CEP63: variants seen among roughly 807,000 people sequenced by gnomAD.
The protein encoded by CEP63 is centrosomal protein 63, also known as centrosomal protein of 63 kDa.
Under a neutral mutation model 89.1 loss-of-function variants are expected in CEP63, and 84 were observed. The observed-to-expected ratio is 0.94, with a 90% CI of 0.79 to 1.13. The LOEUF is 1.13. CEP63 is among the 50% of genes most tolerant of loss of function. The pLI is 0.00. For missense variants in CEP63, 838 were observed against 813.3 expected (o/e 1.03, Z -0.37); for synonymous variants, 267 against 272.5 (o/e 0.98, Z 0.20).
At chr3:134,673,802 C>G in the CEP63 span, among the ~76,000 whole-genome samples, 1 of 152,186 alleles carries the variant, frequency 6.6e-6, no homozygotes, top group African/African-American at 2.4e-5. Context: ...ACACCATTCT[C>G]TCCCTTCTGC....
the CEP63 span, among the ~76,000 whole-genome samples, chr3:134,624,405 GTACCTA>G: frequency 6.6e-6 from 1 of 152,192 alleles, no homozygotes; most frequent in Non-Finnish European, 1.5e-5. Flanking sequence ...AGGTTCCTGA[GTACCTA>G]TAAGGTGGCC....
the CEP63 span, among the ~76,000 whole-genome samples, chr3:134,729,737 G>A: frequency 6.6e-6 from 1 of 152,212 alleles, no homozygotes; most frequent in Admixed American, 6.5e-5. Flanking sequence ...TTACACAGCA[G>A]GTAAATGATA....
the CEP63 span, among the ~76,000 whole-genome samples, chr3:134,665,083 C>T: frequency 1.3e-5 from 2 of 152,186 alleles, no homozygotes; most frequent in African/African-American, 4.8e-5. Flanking sequence ...ACTTCTGGTC[C>T]CACCCTGTAG....
downstream of CEP63, among the ~76,000 whole-genome samples, chr3:134,592,016 T>C (rs1293202185): frequency 6.6e-6 from 1 of 152,214 alleles, no homozygotes; most frequent in Non-Finnish European, 1.5e-5. Flanking sequence ...CCTTACAATT[T>C]TTCAGGGTCA....
intron 2 of CEP63, among the ~76,000 whole-genome samples, chr3:134,499,243 T>C (rs968751901): frequency 6.6e-6 from 1 of 152,214 alleles, no homozygotes; most frequent in African/African-American, 2.4e-5. Flanking sequence ...GTTTTCTAAT[T>C]CTTCCGAGTT....
At chr3:134,689,148 C>CCTCT in the CEP63 span, among the ~76,000 whole-genome samples, 3 of 151,450 alleles carry the variant, frequency 2.0e-5, no homozygotes, top group African/African-American at 2.4e-5. Context: ...TCTCTCTCTC[C>CCTCT]CTCTCTCTCT....
intron 9 of CEP63, 138 bp downstream of exon 9, chr3:134,547,610 A>ATTTTTTTT: frequency 4.4e-6 from 1 of 226,804 alleles, no homozygotes; most frequent in East Asian, 1.1e-4. Context: ...CTAAGTTCTT[A>ATTTTTTTT]TTTCTTTTTT....
chr3:134,688,355 G>A, the CEP63 span, among the ~76,000 whole-genome samples: 2 of 152,246 alleles, frequency 1.3e-5, no homozygotes, highest in Non-Finnish European at 2.9e-5. Flanking sequence ...GAGACAGAAA[G>A]TAGATTAGTG....
Position 134,562,170 on chromosome 3 carries a change from C to T in CEP63, c.*635C>T, listed in dbSNP as rs1280017904. ...GGGACTGGCTGTCATGCACGGTGCC[C>T]ATGGAATATCCATTGGAAATAAATG... On this transcript the variant is annotated 3_prime_UTR_variant, in exon 15 of 15. Coordinates refer to ENST00000675561, the MANE Select transcript of CEP63 (RefSeq NM_001353108.3). 1 of 986,372 alleles carries T rather than the reference C, an allele frequency of 1.0e-6. No individual in the cohort carries two copies. Among genetic ancestry groups the T allele is most frequent in the Admixed American group, 6.1e-5 (1 of 16,370 alleles). The allele number at this position is 986,372 out of a possible 1,614,324, so 61.1% of individuals were successfully genotyped here.
intron 10 of CEP63, among the ~76,000 whole-genome samples, chr3:134,581,735 G>C (rs1431071309): frequency 8.0e-6 from 1 of 124,998 alleles, no homozygotes; most frequent in Non-Finnish European, 1.6e-5. Flanking sequence ...GAGTGCAGTG[G>C]CGCGATCTCG....
At chr3:134,659,793 G>A in the CEP63 span, among the ~76,000 whole-genome samples, 1 of 152,134 alleles carries the variant, frequency 6.6e-6, no homozygotes, top group East Asian at 1.9e-4. Flanking sequence ...TATTACTGTC[G>A]ACCCCCAGGG....
the CEP63 span, among the ~76,000 whole-genome samples, chr3:134,754,054 C>A: frequency 1.3e-5 from 2 of 152,198 alleles, no homozygotes; most frequent in Non-Finnish European, 2.9e-5. Context: ...ATACATTGTT[C>A]AGTCTTTGCC....
chr3:134,680,601 G>T, the CEP63 span, among the ~76,000 whole-genome samples: 2 of 152,224 alleles, frequency 1.3e-5, no homozygotes, highest in Non-Finnish European at 2.9e-5. Context: ...TCTGATGGAA[G>T]AGGGTGTAAA....
the CEP63 span, among the ~76,000 whole-genome samples, chr3:134,728,698 T>C: frequency 1.3e-5 from 2 of 152,226 alleles, no homozygotes; most frequent in African/African-American, 4.8e-5. Flanking sequence ...AGGATGCTTT[T>C]GCTTTAAGGT....
At chr3:134,544,135 T>C (rs549480322) in intron 6 of CEP63, among the ~76,000 whole-genome samples, 1 of 152,202 alleles carries the variant, frequency 6.6e-6, no homozygotes, top group Non-Finnish European at 1.5e-5. Flanking sequence ...CTGTAAATAA[T>C]AAAATCTTTA....
At chr3:134,599,079 A>G in the CEP63 span, among the ~76,000 whole-genome samples, 1 of 152,162 alleles carries the variant, frequency 6.6e-6, no homozygotes, top group Non-Finnish European at 1.5e-5. Flanking sequence ...GGCCCTTCAG[A>G]TGTTCTGTAA....
intron 6 of CEP63, among the ~76,000 whole-genome samples, chr3:134,539,794 C>G (rs1445504426): frequency 3.3e-5 from 5 of 152,086 alleles, no homozygotes; most frequent in African/African-American, 9.7e-5. Flanking sequence ...TGCTTGAATT[C>G]ATTTCTTTTA....
the CEP63 span, among the ~76,000 whole-genome samples, chr3:134,710,186 C>A: frequency 6.6e-6 from 1 of 152,214 alleles, no homozygotes; most frequent in Middle Eastern, 3.2e-3. Flanking sequence ...TGGGGCTGGA[C>A]TCACCAGCTC....
At chr3:134,687,838 A>G in the CEP63 span, among the ~76,000 whole-genome samples, 13 of 152,320 alleles carry the variant, frequency 8.5e-5, no homozygotes, top group South Asian at 2.1e-4. Flanking sequence ...ACAGCTGTGG[A>G]CTGTCCTTGT....
Sources: gnomAD v4.1 joint callset for allele counts (sites outside exome capture counted in the v4.1 genomes callset) on GRCh38, gnomAD v4.1.1 for gene constraint, MANE v1.5 for transcripts, NCBI Gene and HGNC (gene_info 2026-07-23, HGNC 2026-07-21) for gene names.